Variants in SEMA6B observed in about 807,000 individuals in gnomAD.
SEMA6B encodes semaphorin-6B.
In SEMA6B, 47 loss-of-function variants were observed where a neutral mutation model predicts 78.6. That is an observed-to-expected ratio of 0.60 (90% CI 0.47 to 0.76). The LOEUF is 0.76. SEMA6B is among the 30% of genes least tolerant of loss of function. The probability of loss-of-function intolerance (pLI) is 0.00; values close to 1 mark genes in which losing one functional copy is unlikely to be tolerated. For synonymous variants in SEMA6B, 632 were observed against 592.2 expected, an observed-to-expected ratio of 1.07 and a Z score of -0.98; for missense variants, 1,213 against 1,269.9, an observed-to-expected ratio of 0.96 and a Z score of 0.68.
rs745407017 is a variant in SEMA6B at position 4,556,010 on chromosome 19, T to C, written c.449A>G (p.Asn150Ser). ...CACGCTGTAGTTGGCGCACACCGGGTTGAAGGCGTTGGAACCGCACACAAA... is the reference window on the plus strand; with the variant it reads ...CACGCTGTAGTTGGCGCACACCGGGCTGAAGGCGTTGGAACCGCACACAAA... ...TLFVCGSNAF[N>S]PVCANYSIDT... The change falls in exon 6 of 17, where the codon AAC (asparagine) becomes AGC (serine). Residue 150 changes from asparagine to serine, a missense_variant. Asn to Ser is a conservative substitution (Grantham distance 46). Transcript: ENST00000586582. 6.2e-7 allele frequency: 1 copy of C among 1,614,002 alleles called. No homozygotes were observed. The highest frequency in any genetic ancestry group is 8.5e-7 in the Non-Finnish European group (1 of 1,179,962).
intron 14 of SEMA6B, among the ~76,000 whole-genome samples, chr19:4,546,706 C>G (rs1190401341): frequency 2.0e-5 from 3 of 151,946 alleles, no homozygotes; most frequent in South Asian, 2.1e-4. Context: ...TTCACTGCAA[C>G]CTCCGCCTCC....
Position 4,543,378 on chromosome 19 carries a change from G to A in SEMA6B, c.*223C>T, listed in dbSNP as rs1354898097. ...CTCAAATCCATAGCAAAGTCCTCCC[G>A]CCCACCCACCCCCAAACCGTCTCAG... On this transcript the variant is annotated 3_prime_UTR_variant, in exon 17 of 17. Transcript: ENST00000586582. 4.5e-5 allele frequency: 9 copies of A among 202,204 alleles called. No individual in the cohort carries two copies. Among genetic ancestry groups the A allele is most frequent in the Middle Eastern group, 1.2e-3 (1 of 846 alleles). The allele number at this position is 202,204 out of a possible 1,614,324, so 12.5% of individuals were successfully genotyped here. A position where few individuals can be genotyped will look rare whatever the true frequency, so the allele number is the denominator to read the frequency against.
Position 4,543,527 on chromosome 19 carries a change from C to G in SEMA6B, c.*74G>C. 1 of 807,742 alleles carries G rather than the reference C, an allele frequency of 1.2e-6. No individual in the cohort carries two copies. Among genetic ancestry groups the G allele is most frequent in the Non-Finnish European group, 1.7e-6 (1 of 600,612 alleles). The allele number at this position is 807,742 out of a possible 1,614,324, so 50.0% of individuals were successfully genotyped here. On this transcript the variant is annotated 3_prime_UTR_variant, in exon 17 of 17. Transcript: ENST00000586582. Reference sequence around the variant, plus strand: ...GCACCCACTCGGAGTTGCCCCGGGCCCCGGCGTTCTGGCACCGTCTCTCGC... The same window carrying G: ...GCACCCACTCGGAGTTGCCCCGGGCGCCGGCGTTCTGGCACCGTCTCTCGC...
chr19:4,550,716 T>G lies in SEMA6B; in HGVS notation c.1121+83A>C. ...ACAGCTGAACTCAGCATCAGCTAAA[T>G]AACCACCCGGAAGCCCCAGCCCTCG... is the stretch of plus-strand genomic sequence containing the variant. On this transcript the variant is annotated intron_variant, in intron 11 of 16. Transcript: ENST00000586582. The surrounding 1 kb of genome is among the most constrained non-coding windows in gnomAD (Gnocchi z 6.6). 6.5e-7 allele frequency: 1 copy of G among 1,532,370 alleles called. No individual in the cohort carries two copies. The highest frequency in any genetic ancestry group is 1.8e-5 in the Admixed American group (1 of 54,286). 94.9% of individuals were successfully genotyped at this position (1,532,370 alleles called of 1,614,324 possible).
In SEMA6B at chr19:4,544,477, G is replaced by A; in HGVS notation, c.1791C>T (p.Asn597=). ...CCGCCACCGACGACGTTACCAGCAGGTTCACCGACACCAGCCCCGCGCGGT... is the reference window on the plus strand; with the variant it reads ...CCGCCACCGACGACGTTACCAGCAGATTCACCGACACCAGCCCCGCGCGGT... ...SEDRAGLVSV[N]LLVTSSVAAF... Residue 597 remains asparagine (N), a synonymous_variant, in exon 17 of 17, where the codon AAC becomes AAT. Coordinates refer to ENST00000586582, the MANE Select transcript of SEMA6B (RefSeq NM_032108.4). This position sits in a 1 kb window ranked among gnomAD's most constrained non-coding sequence, Gnocchi z 5.1. 2 of 1,595,620 alleles carry A rather than the reference G, an allele frequency of 1.3e-6. No individual in the cohort carries two copies. The highest frequency in any genetic ancestry group is 1.4e-5 in the African/African-American group (1 of 72,774).
chr19:4,543,541 A>T lies in SEMA6B; in HGVS notation c.*60T>A. 1 of 948,236 alleles carries T rather than the reference A, an allele frequency of 1.1e-6. No individual in the cohort carries two copies. The highest frequency in any genetic ancestry group is 1.4e-6 in the Non-Finnish European group (1 of 728,214). The allele number at this position is 948,236 out of a possible 1,614,324, so 58.7% of individuals were successfully genotyped here. A position where few individuals can be genotyped will look rare whatever the true frequency, so the allele number is the denominator to read the frequency against. ...TTGCCCCGGGCCCCGGCGTTCTGGC[A>T]CCGTCTCTCGCTCCTGGTTCCCGTG... On this transcript the variant is annotated 3_prime_UTR_variant, in exon 17 of 17. Coordinates refer to ENST00000586582, the MANE Select transcript of SEMA6B (RefSeq NM_032108.4).
chr19:4,552,489 C>T lies in SEMA6B; in HGVS notation c.922G>A (p.Val308Ile). Residue 308 changes from valine (V) to isoleucine (I), a missense_variant, in exon 10 of 17, where the codon GTC (valine) becomes ATC (isoleucine). Physicochemically the swap from Val to Ile is conservative, Grantham distance 29. Transcript: ENST00000586582. This position sits in a 1 kb window ranked among gnomAD's most constrained non-coding sequence, Gnocchi z 7.4. Reference protein sequence around the residue: ...SHFYFNVLQAVTGVVSLGGRP... With the variant: ...SHFYFNVLQAITGVVSLGGRP... ...CCCCCGAGGCTGACCACGCCCGTGACAGCCTGCAGCACGTTGAAGTAGAAA... is the reference window on the plus strand; with the variant it reads ...CCCCCGAGGCTGACCACGCCCGTGATAGCCTGCAGCACGTTGAAGTAGAAA... The T allele has an allele frequency of 1.2e-6, 2 of 1,611,914 alleles. No individual in the cohort carries two copies. The highest frequency in any genetic ancestry group is 1.7e-6 in the Non-Finnish European group (2 of 1,179,596).
In SEMA6B at chr19:4,550,233, G is replaced by A; in HGVS notation, c.1161C>T (p.Ala387=). 6.2e-7 allele frequency: 1 copy of A among 1,613,672 alleles called. No homozygotes were observed. The highest frequency in any genetic ancestry group is 1.3e-5 in the African/African-American group (1 of 75,056). Residue 387 remains alanine, a synonymous_variant, in exon 12 of 17, where the codon GCC becomes GCT. Transcript: ENST00000586582. This position sits in a 1 kb window ranked among gnomAD's most constrained non-coding sequence, Gnocchi z 6.6. ...GGATGTCATCCGGCAAGGCGCTGGA[G>A]GCATTGTACTGCATCCCGGGGGCTG... ...CCAAPGMQYN[A]SSALPDDILN... is the part of the protein sequence containing the mutation.
chr19:4,543,208 GC>G lies in SEMA6B; in HGVS notation c.*392del. 1 of 559,912 alleles carries G rather than the reference GC, an allele frequency of 1.8e-6. No homozygotes were observed. 34.7% of individuals were successfully genotyped at this position (559,912 alleles called of 1,614,324 possible). On this transcript the variant is annotated 3_prime_UTR_variant, in exon 17 of 17. Transcript: ENST00000586582. ...CAGGGGTGGGGGAGGGCTTAGGTCT[GC>G]AGCTGTGGCCCCCCATTCCCCACCG...
intron 4 of SEMA6B, 29 bp from the exon 5 acceptor site, chr19:4,557,042 TA>T (rs1484024521): frequency 6.2e-7 from 1 of 1,607,628 alleles, no homozygotes. Flanking sequence ...GGTGAGGGGG[TA>T]ACGGGTCCCA....
chr19:4,557,389 G>C (rs1156272117), intron 3 of SEMA6B, among the ~76,000 whole-genome samples, 166 bp from the exon 4 acceptor site: 2 of 152,152 alleles, frequency 1.3e-5, no homozygotes, highest in African/African-American at 4.8e-5. Flanking sequence ...GGCCCCAGCA[G>C]GCCTTCATAT....
chr19:4,543,374 T>TGGGGGGGC lies in SEMA6B; in HGVS notation c.*226_*227insGCCCCCCC. On this transcript the variant is annotated 3_prime_UTR_variant, in exon 17 of 17. Transcript: ENST00000586582. ...CAACCTCAAATCCATAGCAAAGTCC[T>TGGGGGGGC]CCCGCCCACCCACCCCCAAACCGTC... is the stretch of plus-strand genomic sequence containing the variant. 1 of 363,584 alleles carries TGGGGGGGC rather than the reference T, an allele frequency of 2.8e-6. No homozygotes were observed. Among genetic ancestry groups the TGGGGGGGC allele is most frequent in the African/African-American group, 2.3e-5 (1 of 44,194 alleles). The allele number at this position is 363,584 out of a possible 1,614,324, so 22.5% of individuals were successfully genotyped here.
Position 4,558,009 on chromosome 19 carries a change from G to T in SEMA6B, c.245+17C>A, listed in dbSNP as rs1416646877. ...TTCTGCTCGTCACACAGGCCTCCTT[G>T]CTGTCCCCAGCAATACCTGTCCCCA... On this transcript the variant is annotated intron_variant, in intron 3 of 16. Coordinates refer to ENST00000586582, the MANE Select transcript of SEMA6B (RefSeq NM_032108.4). This position sits in a 1 kb window ranked among gnomAD's most constrained non-coding sequence, Gnocchi z 5.1. 7.2e-7 allele frequency: 1 copy of T among 1,380,102 alleles called. No individual in the cohort carries two copies. Among genetic ancestry groups the T allele is most frequent in the East Asian group, 2.8e-5 (1 of 35,290 alleles). The allele number at this position is 1,380,102 out of a possible 1,614,324, so 85.5% of individuals were successfully genotyped here.
At position 4,548,521 on chromosome 19, in the gene SEMA6B, A is replaced by G. The variant is rs1321255573; in HGVS notation, c.1272-76T>C. 4.4e-6 allele frequency: 6 copies of G among 1,366,816 alleles called. No homozygotes were observed. The African/African-American group carries it at 8.5e-5, about 19-fold the overall frequency. The allele number at this position is 1,366,816 out of a possible 1,614,324, so 84.7% of individuals were successfully genotyped here. ...CACCAACACGGGCATGGCCATAGTT[A>G]CACGGGTGCATACAGACACTGACAC... On this transcript the variant is annotated intron_variant, in intron 12 of 16. Transcript: ENST00000586582.
Position 4,543,229 on chromosome 19 carries a change from C to T in SEMA6B, c.*372G>A. On this transcript the variant is annotated 3_prime_UTR_variant, in exon 17 of 17. Coordinates refer to ENST00000586582, the MANE Select transcript of SEMA6B (RefSeq NM_032108.4). ...GTCTGCAGCTGTGGCCCCCCATTCC[C>T]CACCGGCGTCCAAGCCTCCCCTGCC... is the stretch of plus-strand genomic sequence containing the variant. 3.7e-6 allele frequency: 2 copies of T among 540,592 alleles called. No homozygotes were observed. Among genetic ancestry groups the T allele is most frequent in the Non-Finnish European group, 6.6e-6 (2 of 304,314 alleles). 33.5% of individuals were successfully genotyped at this position (540,592 alleles called of 1,614,324 possible). A position where few individuals can be genotyped will look rare whatever the true frequency, so the allele number is the denominator to read the frequency against.
At chr19:4,553,111 T>A (rs1193043999) in intron 9 of SEMA6B, among the ~76,000 whole-genome samples, 1 of 152,148 alleles carries the variant, frequency 6.6e-6, no homozygotes, top group South Asian at 2.1e-4. Context: ...GATGAGTAGG[T>A]GGATGGATAA....
Position 4,544,285 on chromosome 19 carries a change from A to G in SEMA6B, c.1983T>C (p.Gly661=). 1 of 1,425,326 alleles carries G rather than the reference A, an allele frequency of 7.0e-7. No individual in the cohort carries two copies. Among genetic ancestry groups the G allele is most frequent in the Non-Finnish European group, 9.1e-7 (1 of 1,095,900 alleles). 88.3% of individuals were successfully genotyped at this position (1,425,326 alleles called of 1,614,324 possible). ...CACCGCCTCCGCCCCGGCCCCCGGG[A>G]CCCTGCGCCCTGCGCTCGCCCAGGC... ...VSRLGERRAQ[G]PGGRGGGGGG... The change falls in exon 17 of 17, where the codon GGT becomes GGC. Residue 661 remains glycine, a synonymous_variant. Coordinates refer to ENST00000586582, the MANE Select transcript of SEMA6B (RefSeq NM_032108.4). The surrounding 1 kb of genome is among the most constrained non-coding windows in gnomAD (Gnocchi z 5.1).
At chr19:4,549,354 T>G (rs922473763) in intron 12 of SEMA6B, among the ~76,000 whole-genome samples, 7 of 140,690 alleles carry the variant, frequency 5.0e-5, no homozygotes, top group African/African-American at 1.9e-4. Flanking sequence ...CAGGTTGGAG[T>G]GCAGTGGCGT....
chr19:4,553,379 GTGGATGGA>G (rs529191124), intron 9 of SEMA6B, among the ~76,000 whole-genome samples: 25 of 116,488 alleles, frequency 2.1e-4, no homozygotes, highest in Non-Finnish European at 2.3e-4. Flanking sequence ...GGATGGGTGA[GTGGATGGA>G]TGGATGGATG....
Sources: gnomAD v4.1 joint callset for allele counts (sites outside exome capture counted in the v4.1 genomes callset) on GRCh38, gnomAD v4.1.1 for gene constraint, Gnocchi (gnomAD v3.1) non-coding constraint, MANE v1.5 for transcripts, NCBI Gene and HGNC (gene_info 2026-07-23, HGNC 2026-07-21) for gene names.